Variants in HS3ST5 observed in about 807,000 individuals in gnomAD.
HS3ST5 encodes heparan sulfate-glucosamine 3-sulfotransferase 5.
In HS3ST5, 10 loss-of-function variants were observed where a neutral mutation model predicts 25.4. The ratio of observed to expected loss-of-function variants is 0.39; its 90% CI spans 0.24 to 0.67. The LOEUF (loss-of-function observed/expected upper bound fraction) is 0.67. Ranked by LOEUF, HS3ST5 falls within the 30% of genes least tolerant of loss-of-function variation. The pLI is 0.44. For synonymous variants in HS3ST5, 170 were observed against 162.4 expected (o/e 1.05, Z -0.36); for missense variants, 324 against 420.7 (o/e 0.77, Z 2.01).
At chr6:114,296,587 A>C (rs1184528160) in intron 1 of HS3ST5, among the ~76,000 whole-genome samples, 2 of 152,162 alleles carry the variant, frequency 1.3e-5, no homozygotes, top group Non-Finnish European at 1.5e-5. Flanking sequence ...TTTTCCCACT[A>C]TTCATTTTAT....
At chr6:114,318,433 T>C (rs573555212) in intron 1 of HS3ST5, among the ~76,000 whole-genome samples, 22 of 152,268 alleles carry the variant, frequency 1.4e-4, no homozygotes, top group African/African-American at 4.8e-4. Flanking sequence ...TATCAGACTC[T>C]TTAAGTAGAT....
At chr6:114,274,217 T>A (rs947928002) in intron 1 of HS3ST5, among the ~76,000 whole-genome samples, 1 of 152,004 alleles carries the variant, frequency 6.6e-6, no homozygotes, top group Non-Finnish European at 1.5e-5. Context: ...AGTTCTCTTC[T>A]GATGCTTCTA....
chr6:114,338,752 A>G (rs1303641441), intron 1 of HS3ST5, among the ~76,000 whole-genome samples: 1 of 152,118 alleles, frequency 6.6e-6, no homozygotes, highest in Non-Finnish European at 1.5e-5. Context: ...TTGATTCCAG[A>G]GGCAGCAAAA....
Position 114,056,758 on chromosome 6 carries a change from A to T in HS3ST5, c.*499T>A, listed in dbSNP as rs942549722. 6.5e-6 allele frequency: 1 copy of T among 152,934 alleles called. No homozygotes were observed. Among genetic ancestry groups the T allele is most frequent in the Non-Finnish European group, 1.5e-5 (1 of 68,604 alleles). 9.5% of individuals were successfully genotyped at this position (152,934 alleles called of 1,614,324 possible). A position where few individuals can be genotyped will look rare whatever the true frequency, so the allele number is the denominator to read the frequency against. ...AACAATGTCAATTTTATGAGATAAG[A>T]CGTTCTTTTAAATAATAAGAAAATA... On this transcript the variant is annotated 3_prime_UTR_variant, in exon 5 of 5. Transcript: ENST00000312719.
At chr6:114,214,091 A>T (rs371002323) in intron 2 of HS3ST5, among the ~76,000 whole-genome samples, 6 of 152,264 alleles carry the variant, frequency 3.9e-5, no homozygotes, top group Admixed American at 6.5e-5. Context: ...ATGAAGCTTT[A>T]TTTCGCCAAC....
At chr6:114,175,264 G>T (rs530635586) in intron 2 of HS3ST5, among the ~76,000 whole-genome samples, 74 of 152,294 alleles carry the variant, frequency 4.9e-4, no homozygotes, top group African/African-American at 1.7e-3. Flanking sequence ...GTACCCATTA[G>T]TGGGTCAAGC....
chr6:114,280,522 T>A (rs1405742432), intron 1 of HS3ST5, among the ~76,000 whole-genome samples: 1 of 151,990 alleles, frequency 6.6e-6, no homozygotes, highest in Non-Finnish European at 1.5e-5. Flanking sequence ...ATCCAGTTCG[T>A]CAAAGACTCA....
At chr6:114,092,678 TG>T (rs1243572122) in intron 3 of HS3ST5, among the ~76,000 whole-genome samples, 1 of 136,144 alleles carries the variant, frequency 7.3e-6, no homozygotes, top group African/African-American at 2.8e-5. Context: ...TTATTTATTT[TG>T]TTTTTTTTTT....
chr6:114,217,007 T>C lies in HS3ST5; in HGVS notation c.-145+11578A>G, dbSNP rs1451909785. Among the ~76,000 whole-genome samples the C allele has an allele frequency of 2.6e-5, 4 of 152,176 alleles. No homozygotes were observed. In the East Asian group the frequency reaches 5.8e-4, roughly 22 times the overall value. On this transcript the variant is annotated intron_variant, in intron 2 of 4. Coordinates refer to ENST00000312719, the MANE Select transcript of HS3ST5 (RefSeq NM_153612.4). ...CTGACGGACAGCTGTCCAGTGTCAG[T>C]TGAACATGACTCACTTGCTCCAGCT... is the stretch of plus-strand genomic sequence containing the variant.
chr6:114,101,114 T>C (rs902074575), intron 3 of HS3ST5, among the ~76,000 whole-genome samples: 5 of 152,220 alleles, frequency 3.3e-5, no homozygotes, highest in African/African-American at 4.8e-5. Flanking sequence ...CTGTGCAGTA[T>C]TGGCAGTCTC....
At chr6:114,342,079 T>C (rs531553834) in intron 1 of HS3ST5, 116 bp downstream of exon 1, 2 of 152,670 alleles carry the variant, frequency 1.3e-5, no homozygotes, top group South Asian at 2.1e-4. Flanking sequence ...AAAGTGCTTT[T>C]TTGCTGGCAT....
At chr6:114,236,346 C>T (rs937005948) in intron 1 of HS3ST5, among the ~76,000 whole-genome samples, 1 of 152,116 alleles carries the variant, frequency 6.6e-6, no homozygotes, top group African/African-American at 2.4e-5. Context: ...GTAAATATAT[C>T]GTTATTGAAT....
intron 1 of HS3ST5, among the ~76,000 whole-genome samples, chr6:114,306,583 A>G (rs1426614238): frequency 6.6e-6 from 1 of 152,026 alleles, no homozygotes; most frequent in Non-Finnish European, 1.5e-5. Context: ...TTATACATCA[A>G]TGCAATTCTA....
intron 1 of HS3ST5, among the ~76,000 whole-genome samples, chr6:114,324,796 A>G (rs1473633811): frequency 6.6e-6 from 1 of 152,226 alleles, no homozygotes. Context: ...GATGGGCTCC[A>G]CAGGTCTGAA....
chr6:114,220,126 A>G (rs772704418), intron 2 of HS3ST5, among the ~76,000 whole-genome samples: 48 of 152,052 alleles, frequency 3.2e-4, no homozygotes, highest in Non-Finnish European at 4.7e-4. Context: ...ACATACGAAA[A>G]TTCTATTCTG....
At chr6:114,170,947 A>G (rs11153469) in intron 2 of HS3ST5, among the ~76,000 whole-genome samples, 20,579 of 152,176 alleles carry the variant, frequency 0.14, 1,887 homozygotes, top group East Asian at 0.37. Flanking sequence ...ATATTAAAAT[A>G]TAGCAGGATC....
At chr6:114,082,350 T>G (rs1774499994) in intron 3 of HS3ST5, among the ~76,000 whole-genome samples, 1 of 152,192 alleles carries the variant, frequency 6.6e-6, no homozygotes, top group South Asian at 2.1e-4. Context: ...AATTTTCTCC[T>G]CAAAAAATTA....
At chr6:114,161,521 T>TCATATATATATATATA (rs1778947740) in intron 3 of HS3ST5, among the ~76,000 whole-genome samples, 2 of 33,540 alleles carry the variant, frequency 6.0e-5, no homozygotes, top group South Asian at 1.6e-3. Context: ...TCCTGAAGTT[T>TCATATATATATATATA]TATATATATA....
At chr6:114,126,511 C>T (rs779510135) in intron 3 of HS3ST5, among the ~76,000 whole-genome samples, 4 of 152,126 alleles carry the variant, frequency 2.6e-5, no homozygotes, top group Non-Finnish European at 4.4e-5. Context: ...GAAGAAATTA[C>T]TTAAGCATTC....
Sources: allele counts gnomAD v4.1 joint callset (sites outside exome capture counted in the v4.1 genomes callset), GRCh38; gene constraint gnomAD v4.1.1; transcripts MANE v1.5; gene names NCBI Gene and HGNC (gene_info 2026-07-23, HGNC 2026-07-21).